Variants in FAM135A observed in about 807,000 individuals in gnomAD.
FAM135A encodes the protein family with sequence similarity 135 member A.
A neutral mutation model predicts 146.8 loss-of-function variants in FAM135A; 79 were observed. The observed-to-expected ratio is 0.54, with a 90% confidence interval of 0.45 to 0.65. The LOEUF is 0.65. Ranked by LOEUF, FAM135A falls within the 30% of genes least tolerant of loss-of-function variation. FAM135A has a pLI of 0.00. For synonymous variants in FAM135A, 562 were observed against 603.6 expected (o/e 0.93, Z 1.01); for missense variants, 1,623 against 1,758.2 (o/e 0.92, Z 1.38).
chr6:70,422,406 TCTA>T (rs995719044), intron 2 of FAM135A, among the ~76,000 whole-genome samples: 5 of 152,210 alleles, frequency 3.3e-5, no homozygotes, highest in African/African-American at 7.2e-5. Context: ...TATTTTTTCT[TCTA>T]CTACAAAAAT....
chr6:70,542,320 A>G (rs1319997000), intron 20 of FAM135A, among the ~76,000 whole-genome samples: 1 of 149,916 alleles, frequency 6.7e-6, no homozygotes, highest in East Asian at 2.0e-4. Context: ...GATTGCTTGC[A>G]TTTTCTCATG....
intron 4 of FAM135A, among the ~76,000 whole-genome samples, chr6:70,429,095 G>A (rs990878471): frequency 4.8e-4 from 73 of 152,172 alleles, no homozygotes; most frequent in African/African-American, 1.7e-3. Context: ...TAAGATCAAA[G>A]TATGGCTAAG....
At chr6:70,532,312 A>G (rs1007245323) in intron 16 of FAM135A, among the ~76,000 whole-genome samples, 2 of 152,110 alleles carry the variant, frequency 1.3e-5, no homozygotes, top group African/African-American at 4.8e-5. Context: ...TGCATTTTCT[A>G]TGAACTTTTT....
chr6:70,528,702 A>ATTT (rs11398068), intron 16 of FAM135A, among the ~76,000 whole-genome samples: 1 of 150,250 alleles, frequency 6.7e-6, no homozygotes, highest in Non-Finnish European at 1.5e-5. Context: ...TTAATTTGGG[A>ATTT]TTTTTTTTTT....
At chr6:70,494,555 T>C (rs974475021) in intron 11 of FAM135A, among the ~76,000 whole-genome samples, 5 of 152,014 alleles carry the variant, frequency 3.3e-5, no homozygotes, top group African/African-American at 9.7e-5. Flanking sequence ...CATTTATATA[T>C]ATAAGAGATC....
At chr6:70,504,511 A>G (rs1041970737) in intron 12 of FAM135A, 44 of 152,202 alleles carry the variant, frequency 2.9e-4, no homozygotes, top group African/African-American at 1.0e-3. Context: ...TTTGGACATA[A>G]CATATGTGGA....
intron 20 of FAM135A, among the ~76,000 whole-genome samples, chr6:70,554,061 T>G (rs1299170329): frequency 2.0e-5 from 3 of 152,196 alleles, no homozygotes; most frequent in Non-Finnish European, 2.9e-5. Flanking sequence ...CAAAGCTTTG[T>G]GTCAAGGTAT....
chr6:70,486,230 A>C lies in FAM135A; in HGVS notation c.823+4076A>C, dbSNP rs139238765. On this transcript the variant is annotated intron_variant, in intron 10 of 21. Transcript: ENST00000418814. ...AGAAGAAAACAGCTACGAACACAGA[A>C]AGACAACCATCTAGGTACGTTTACA... The C allele has an allele frequency of 2.7e-5, 43 of 1,613,692 alleles. No individual in the cohort carries two copies. The African/African-American group carries it at 5.6e-4, about 21-fold the overall frequency.
chr6:70,445,781 A>G (rs1015928299), intron 4 of FAM135A, among the ~76,000 whole-genome samples: 2 of 152,162 alleles, frequency 1.3e-5, no homozygotes, highest in Admixed American at 6.5e-5. Context: ...CATCATGAAC[A>G]TGTCACAGTG....
chr6:70,482,109 A>G lies in FAM135A; in HGVS notation c.778A>G (p.Ile260Val). Residue 260 changes from isoleucine (I) to valine (V), a missense_variant, in exon 10 of 22, where the codon ATT (isoleucine) becomes GTT (valine). Coordinates refer to ENST00000418814, the MANE Select transcript of FAM135A (RefSeq NM_001162529.3). The part of the protein sequence containing the change: ...LAFKGLHSYF[I>V]TVTEEIPSCQ... ...CTTCAAGGGATTGCACAGCTACTTC[A>G]TTACAGTAACAGAAGAGATTCCTTC... 6.2e-7 allele frequency: 1 copy of G among 1,613,734 alleles called. No individual in the cohort carries two copies. Among genetic ancestry groups the G allele is most frequent in the Non-Finnish European group, 8.5e-7 (1 of 1,179,794 alleles).
intron 18 of FAM135A, among the ~76,000 whole-genome samples, chr6:70,535,451 A>G (rs1330289310): frequency 1.3e-5 from 2 of 152,062 alleles, no homozygotes; most frequent in African/African-American, 4.8e-5. Flanking sequence ...AAGCATTACC[A>G]CCTGAGCTCA....
rs753091524 is a variant in FAM135A at position 70,535,987 on chromosome 6, TATATC to T, written c.3966-272_3966-268del. The T allele has an allele frequency of 1.6e-5, 4 of 256,136 alleles. No homozygotes were observed. In the East Asian group the frequency reaches 2.5e-4, roughly 16 times the overall value. The allele number at this position is 256,136 out of a possible 1,614,324, so 15.9% of individuals were successfully genotyped here. ...TATATTATTATCTTTAATACGTACT[TATATC>T]TAAGCAGTTACAAACTATGAGTAAA... is the stretch of plus-strand genomic sequence containing the variant. On this transcript the variant is annotated intron_variant, in intron 18 of 21. Transcript: ENST00000418814.
chr6:70,528,536 G>T, intron 16 of FAM135A, 84 bp downstream of exon 16: 1 of 1,256,756 alleles, frequency 8.0e-7, no homozygotes, highest in Admixed American at 2.9e-5. Flanking sequence ...TTTAGTCTTT[G>T]AACTAAAAAA....
intron 20 of FAM135A, among the ~76,000 whole-genome samples, chr6:70,552,366 G>C (rs1799978145): frequency 6.6e-6 from 1 of 151,740 alleles, no homozygotes; most frequent in African/African-American, 2.4e-5. Context: ...AGGCATGCCT[G>C]TACACAACTG....
At chr6:70,419,637 C>A (rs542919105) in intron 2 of FAM135A, among the ~76,000 whole-genome samples, 1 of 152,084 alleles carries the variant, frequency 6.6e-6, no homozygotes, top group Non-Finnish European at 1.5e-5. Flanking sequence ...GTTTTTCCCT[C>A]GGTTGGTCTC....
intron 12 of FAM135A, 140 bp downstream of exon 12, chr6:70,502,931 C>T: frequency 4.7e-6 from 4 of 848,744 alleles, no homozygotes; most frequent in Non-Finnish European, 7.0e-6. Flanking sequence ...TATTGTTTGA[C>T]TTCCAAAATT....
At chr6:70,441,000 C>T (rs1774333884) in intron 4 of FAM135A, among the ~76,000 whole-genome samples, 4 of 152,138 alleles carry the variant, frequency 2.6e-5, no homozygotes, top group African/African-American at 9.7e-5. Flanking sequence ...TACTTGTATT[C>T]AGAATATTTT....
chr6:70,475,530 T>A lies in FAM135A; in HGVS notation c.278T>A (p.Met93Lys), dbSNP rs1035724712. 8 of 1,594,736 alleles carry A rather than the reference T, an allele frequency of 5.0e-6. No individual in the cohort carries two copies. The highest frequency in any genetic ancestry group is 6.8e-6 in the Non-Finnish European group (8 of 1,171,150). Residue 93 changes from methionine to lysine, a missense_variant, in exon 6 of 22, where the codon ATG becomes AAG. By Grantham distance (95) the Met-to-Lys change is moderately conservative. Transcript: ENST00000418814. Reference protein sequence around the residue: ...LNDVMIFKVKMLLDERKIEET... With the variant: ...LNDVMIFKVKKLLDERKIEET... ...GATGTTATGATCTTCAAAGTAAAAA[T>A]GCTATTGGATGAAAGAAAGGTAAAC...
Position 70,482,047 on chromosome 6 carries a change from G to A in FAM135A, c.716G>A (p.Arg239His), listed in dbSNP as rs773549315. Reference protein sequence around the residue: ...IADSFLHHAYRFHYTLCATLL... With the variant: ...IADSFLHHAYHFHYTLCATLL... ...GACTCCTTCCTACATCATGCGTATC[G>A]TTTTCATTATACACTTTGTGCCACT... The change falls in exon 10 of 22, where the codon CGT becomes CAT. Residue 239 changes from arginine (R) to histidine (H), a missense_variant. Arg to His is a conservative substitution (Grantham distance 29). Transcript: ENST00000418814. The A allele has an allele frequency of 5.6e-5, 90 of 1,613,542 alleles. No homozygotes were observed. The highest frequency in any genetic ancestry group is 7.0e-5 in the Non-Finnish European group (83 of 1,179,802).
Sources: gnomAD v4.1 joint callset for allele counts (sites outside exome capture counted in the v4.1 genomes callset) on GRCh38, gnomAD v4.1.1 for gene constraint, MANE v1.5 for transcripts, NCBI Gene and HGNC (gene_info 2026-07-23, HGNC 2026-07-21) for gene names.